SPIDR: variants seen among roughly 807,000 people sequenced by gnomAD.
SPIDR encodes the protein scaffold protein involved in DNA repair.
SPIDR carries 93 observed loss-of-function variants against 104.6 expected under a neutral mutation model. The ratio of observed to expected loss-of-function variants is 0.89; its 90% CI spans 0.75 to 1.06. The LOEUF (loss-of-function observed/expected upper bound fraction) is 1.06, where lower values mean the gene tolerates loss of function less well. Ranked by LOEUF, SPIDR falls within the 50% of genes least tolerant of loss-of-function variation. The pLI, the probability that SPIDR is intolerant of heterozygous loss-of-function variation, is 0.00. For missense variants in SPIDR, 1,154 were observed against 1,111.2 expected (o/e 1.04, Z -0.55); for synonymous variants, 431 against 416.9 (o/e 1.03, Z -0.41).
At chr8:47,700,328 A>C in intron 11 of SPIDR, 75 bp from the exon 12 acceptor site, 2 of 1,464,920 alleles carry the variant, frequency 1.4e-6, no homozygotes, top group East Asian at 2.3e-5. Flanking sequence ...TCTGTTAAGC[A>C]TTCTACCAGC....
chr8:47,330,849 A>C (rs2048542407), intron 5 of SPIDR: 3 of 455,938 alleles, frequency 6.6e-6, no homozygotes, highest in South Asian at 4.6e-5. Flanking sequence ...ATAAACTTTC[A>C]ACTCCTTTGA....
chr8:47,678,050 A>G (rs2154474189), intron 11 of SPIDR, among the ~76,000 whole-genome samples: 1 of 152,256 alleles, frequency 6.6e-6, no homozygotes. Context: ...AAAAAAAAAA[A>G]AAAGAAAAAG....
chr8:47,418,695 G>GC (rs2064835424), intron 7 of SPIDR, among the ~76,000 whole-genome samples: 1 of 152,180 alleles, frequency 6.6e-6, no homozygotes, highest in South Asian at 2.1e-4. Flanking sequence ...CCTGTCTTGT[G>GC]CAGTTTTCAA....
intron 7 of SPIDR, among the ~76,000 whole-genome samples, chr8:47,421,655 A>C (rs1554680796): frequency 6.6e-6 from 1 of 152,190 alleles, no homozygotes; most frequent in South Asian, 2.1e-4. Context: ...CCTGGTGAGG[A>C]GTTGCGTTCC....
At chr8:47,568,741 C>G (rs1055198585) in intron 8 of SPIDR, among the ~76,000 whole-genome samples, 2 of 152,034 alleles carry the variant, frequency 1.3e-5, no homozygotes, top group Non-Finnish European at 2.9e-5. Flanking sequence ...GCAAAACATC[C>G]CCGCCAAAAG....
chr8:47,500,516 T>G (rs902178734), intron 8 of SPIDR, among the ~76,000 whole-genome samples: 4 of 152,252 alleles, frequency 2.6e-5, no homozygotes, highest in Admixed American at 1.3e-4. Context: ...TAAATTTGTT[T>G]GAGTTCATTG....
chr8:47,677,005 G>A (rs891503501), intron 11 of SPIDR, among the ~76,000 whole-genome samples: 2 of 152,260 alleles, frequency 1.3e-5, no homozygotes, highest in Non-Finnish European at 2.9e-5. Flanking sequence ...AGAAGAGTCA[G>A]AAAAACAGCC....
intron 8 of SPIDR, among the ~76,000 whole-genome samples, chr8:47,449,998 T>TA (rs2154347954): frequency 6.6e-6 from 1 of 152,206 alleles, no homozygotes; most frequent in South Asian, 2.1e-4. Flanking sequence ...ACCCCATCTC[T>TA]ACAAAAAATA....
chr8:47,408,385 G>A (rs931349287), intron 7 of SPIDR, among the ~76,000 whole-genome samples: 14 of 152,030 alleles, frequency 9.2e-5, no homozygotes, highest in African/African-American at 2.9e-4. Context: ...TCAGCCTCCC[G>A]ACTGGCTAAG....
At chr8:47,403,268 G>A (rs1189072301) in intron 6 of SPIDR, among the ~76,000 whole-genome samples, 1 of 152,118 alleles carries the variant, frequency 6.6e-6, no homozygotes, top group Admixed American at 6.6e-5. Context: ...AGCAAAAACT[G>A]GAAGCATTTC....
At chr8:47,417,983 G>A (rs536944696) in intron 7 of SPIDR, among the ~76,000 whole-genome samples, 2 of 152,106 alleles carry the variant, frequency 1.3e-5, no homozygotes, top group Non-Finnish European at 2.9e-5. Context: ...ATTGGTCTAT[G>A]TCTCTGTTTT....
intron 10 of SPIDR, among the ~76,000 whole-genome samples, chr8:47,636,768 A>G (rs1394634790): frequency 6.6e-6 from 1 of 151,460 alleles, no homozygotes; most frequent in Non-Finnish European, 1.5e-5. Flanking sequence ...GCGAGCCATG[A>G]TCGTACCACT....
intron 16 of SPIDR, among the ~76,000 whole-genome samples, chr8:47,714,354 C>A (rs2082280339): frequency 6.6e-6 from 1 of 152,118 alleles, no homozygotes; most frequent in African/African-American, 2.4e-5. Context: ...TGGTGCTGTT[C>A]ATTAAGTAGG....
Position 47,516,541 on chromosome 8 carries a change from G to A in SPIDR, c.1097+75999G>A, listed in dbSNP as rs117121648. Reference sequence around the variant, plus strand: ...AATCATACAATATTTGTTATTTTGTGTCTGGCTTATTTTACTTAGCATAAT... The same window carrying A: ...AATCATACAATATTTGTTATTTTGTATCTGGCTTATTTTACTTAGCATAAT... On this transcript the variant is annotated intron_variant, in intron 8 of 19. Transcript: ENST00000297423. Among the ~76,000 whole-genome samples the A allele has an allele frequency of 7.2e-3, 1,098 of 152,208 alleles. 6 individuals are homozygous for A. The highest frequency in any genetic ancestry group is 0.011 in the Non-Finnish European group (741 of 68,014).
In SPIDR at chr8:47,442,360, A is replaced by C. The variant is rs1009153705; in HGVS notation, c.1097+1818A>C. Among the ~76,000 whole-genome samples, 4 of 152,280 alleles carry C rather than the reference A, an allele frequency of 2.6e-5. No homozygotes were observed. In the East Asian group the frequency reaches 7.7e-4, roughly 29 times the overall value. On this transcript the variant is annotated intron_variant, in intron 8 of 19. Transcript: ENST00000297423. ...ACATCCCAGTGACTATACACAATCT[A>C]TATGTAAGTTATGTAATCCTGCCTA...
intron 6 of SPIDR, among the ~76,000 whole-genome samples, chr8:47,397,117 A>G (rs1275344924): frequency 1.3e-5 from 2 of 152,084 alleles, no homozygotes; most frequent in African/African-American, 4.8e-5. Context: ...AACGTGAAGG[A>G]GCCTGTAGGG....
rs941790190 is a variant in SPIDR, at chr8:47,479,584, G to T, written c.1097+39042G>T. Reference sequence around the variant, plus strand: ...GTAAAGTGGGGCAGTAGGGGGGAATGCAGGGAGAGCTGCACCTGATCCTGT... The same window carrying T: ...GTAAAGTGGGGCAGTAGGGGGGAATTCAGGGAGAGCTGCACCTGATCCTGT... On this transcript the variant is annotated intron_variant, in intron 8 of 19. Coordinates refer to ENST00000297423, the MANE Select transcript of SPIDR (RefSeq NM_001080394.4). Among the ~76,000 whole-genome samples the T allele has an allele frequency of 2.2e-4, 34 of 152,168 alleles. 1 individual carries two copies. The highest frequency in any genetic ancestry group is 7.4e-5 in the Non-Finnish European group (5 of 68,022).
At chr8:47,563,765 G>A (rs1252760668) in intron 8 of SPIDR, among the ~76,000 whole-genome samples, 1 of 152,114 alleles carries the variant, frequency 6.6e-6, no homozygotes, top group African/African-American at 2.4e-5. Flanking sequence ...GGGAGAAACT[G>A]GGCAAGTTTT....
At position 47,598,942 on chromosome 8, in the gene SPIDR, C is replaced by A; in HGVS notation, c.1294-4C>A. The A allele has an allele frequency of 3.1e-6, 5 of 1,613,852 alleles. No individual in the cohort carries two copies. Among genetic ancestry groups the A allele is most frequent in the Non-Finnish European group, 4.2e-6 (5 of 1,179,912 alleles). ...AAACTGTTCCCTTTATGTGTCTTGGCCAGGTTGTGTGTAGTGGTGTAGCCA... is the reference window on the plus strand; with the variant it reads ...AAACTGTTCCCTTTATGTGTCTTGGACAGGTTGTGTGTAGTGGTGTAGCCA... On this transcript the variant is annotated splice_polypyrimidine_tract_variant and splice_region_variant and intron_variant, in intron 9 of 19. Transcript: ENST00000297423.
Sources: gnomAD v4.1 joint callset for allele counts (sites outside exome capture counted in the v4.1 genomes callset) on GRCh38, gnomAD v4.1.1 for gene constraint, MANE v1.5 for transcripts, NCBI Gene and HGNC (gene_info 2026-07-23, HGNC 2026-07-21) for gene names.